The following SPCS2 variants were observed in gnomAD, a reference collection of about 807,000 sequenced individuals.
The protein encoded by SPCS2 is signal peptidase complex subunit 2, also known as SPase 25 kDa subunit.
Under a neutral mutation model 22.3 loss-of-function variants are expected in SPCS2, and 3 were observed. That is an observed-to-expected ratio of 0.13 (90% CI 0.06 to 0.35). SPCS2 has a LOEUF of 0.35. Among genes scored for constraint, SPCS2 ranks in the 10% least tolerant of loss-of-function variants. The probability of loss-of-function intolerance (pLI) is 1.00; values close to 1 mark genes in which losing one functional copy is unlikely to be tolerated. For missense variants in SPCS2, 169 were observed against 280.9 expected, an observed-to-expected ratio of 0.60 and a Z score of 2.85; for synonymous variants, 67 against 97.2, an observed-to-expected ratio of 0.69 and a Z score of 1.83.
rs182974262 is a variant in SPCS2, at chr11:74,964,771, G to A, written c.115-263G>A. On this transcript the variant is annotated intron_variant, in intron 1 of 4. Transcript: ENST00000263672. ...GACTGGCAACATCAGCATCACATGAGTACCACCTGACTCTAGTGACCTAGT... is the reference window on the plus strand; with the variant it reads ...GACTGGCAACATCAGCATCACATGAATACCACCTGACTCTAGTGACCTAGT... Among the ~76,000 whole-genome samples the A allele has an allele frequency of 3.5e-4, 53 of 152,326 alleles. 1 individual carries two copies. The highest frequency in any genetic ancestry group is 1.3e-3 in the African/African-American group (53 of 41,568).
intron 1 of SPCS2, chr11:74,949,751 G>C: frequency 2.3e-6 from 1 of 431,364 alleles, no homozygotes; most frequent in Non-Finnish European, 4.6e-6. Context: ...GAAAACCGAA[G>C]CCCAAAGATT....
chr11:74,973,064 C>A (rs1321846360), intron 4 of SPCS2, among the ~76,000 whole-genome samples: 1 of 152,092 alleles, frequency 6.6e-6, no homozygotes, highest in Non-Finnish European at 1.5e-5. Context: ...CTCTTTCTTA[C>A]CCTAAGTGAA....
intron 1 of SPCS2, among the ~76,000 whole-genome samples, chr11:74,960,777 T>C (rs1463847470): frequency 2.0e-5 from 3 of 152,186 alleles, no homozygotes; most frequent in Admixed American, 2.0e-4. Context: ...TAACTGTTCT[T>C]ACCTTGTAGA....
rs1055369688 is a variant in SPCS2, at chr11:74,969,606, A to T, written c.401A>T (p.Tyr134Phe). ...MMGILTIYTS[Y>F]KEKSIFLVAH... The stretch of plus-strand genomic sequence containing the variant: ...GGGATTCTGACCATTTATACCTCAT[A>T]TAAGGAGAAGAGCATCTTTCTCGTG... Residue 134 changes from tyrosine (Y) to phenylalanine (F), a missense_variant, in exon 4 of 5, where the codon TAT becomes TTT. Around this residue, in one of 2 missense-constraint regions of SPCS2, gnomAD observed 118 missense variants for 243.1 expected, o/e 0.49. Coordinates refer to ENST00000263672, the MANE Select transcript of SPCS2 (RefSeq NM_014752.3). 1 of 1,613,418 alleles carries T rather than the reference A, an allele frequency of 6.2e-7. No homozygotes were observed. The highest frequency in any genetic ancestry group is 1.3e-5 in the African/African-American group (1 of 74,914).
chr11:74,960,233 G>A (rs543071800), intron 1 of SPCS2, among the ~76,000 whole-genome samples: 7 of 152,346 alleles, frequency 4.6e-5, no homozygotes, highest in African/African-American at 1.7e-4. Context: ...TCGGGAGGCT[G>A]AGGCATGAGA....
chr11:74,949,522 C>T lies in SPCS2; in HGVS notation c.114+123C>T, dbSNP rs779723456. ...TTTGAGGGGAGCCCTTGTGTGACCA[C>T]TATCACAACCCTACGCACGCTTGGA... is the stretch of plus-strand genomic sequence containing the variant. On this transcript the variant is annotated intron_variant, in intron 1 of 4. Transcript: ENST00000263672. 43 of 839,630 alleles carry T rather than the reference C, an allele frequency of 5.1e-5. No individual in the cohort carries two copies. The Admixed American group carries it at 5.3e-4, about 10-fold the overall frequency. 52.0% of individuals were successfully genotyped at this position (839,630 alleles called of 1,614,324 possible). A position where few individuals can be genotyped will look rare whatever the true frequency, so the allele number is the denominator to read the frequency against.
chr11:74,965,332 C>T (rs534088725), intron 2 of SPCS2, among the ~76,000 whole-genome samples: 32 of 151,734 alleles, frequency 2.1e-4, no homozygotes, highest in African/African-American at 7.5e-4. Flanking sequence ...CAAACCTGCA[C>T]GTTGTGCACA....
intron 1 of SPCS2, among the ~76,000 whole-genome samples, chr11:74,956,105 C>T (rs1399509938): frequency 6.6e-6 from 1 of 151,746 alleles, no homozygotes; most frequent in Non-Finnish European, 1.5e-5. Flanking sequence ...TCTTTGTTGT[C>T]TTCATTGTTC....
intron 1 of SPCS2, among the ~76,000 whole-genome samples, chr11:74,955,235 C>T (rs543915635): frequency 2.0e-5 from 3 of 152,110 alleles, no homozygotes; most frequent in Non-Finnish European, 4.4e-5. Flanking sequence ...GGTGTATACC[C>T]AAGAGAACTG....
Position 74,969,613 on chromosome 11 carries a change from G to A in SPCS2, c.408G>A (p.Glu136=). ...GILTIYTSYK[E]KSIFLVAHRK... is the part of the protein sequence containing the mutation. ...TGACCATTTATACCTCATATAAGGA[G>A]AAGAGCATCTTTCTCGTGGCCCACA... is the stretch of plus-strand genomic sequence containing the variant. The change falls in exon 4 of 5, where the codon GAG becomes GAA. Residue 136 remains glutamate, a synonymous_variant. Coordinates refer to ENST00000263672, the MANE Select transcript of SPCS2 (RefSeq NM_014752.3). The A allele has an allele frequency of 1.2e-6, 2 of 1,613,514 alleles. No individual in the cohort carries two copies. Among genetic ancestry groups the A allele is most frequent in the South Asian group, 2.2e-5 (2 of 91,076 alleles).
chr11:74,974,772 G>A (rs1271584093), intron 4 of SPCS2, among the ~76,000 whole-genome samples: 2 of 151,990 alleles, frequency 1.3e-5, no homozygotes, highest in African/African-American at 2.4e-5. Context: ...CAGCCACCAC[G>A]TCTGGCTAAT....
Position 74,966,930 on chromosome 11 carries a change from T to G in SPCS2, c.359+1007T>G, listed in dbSNP as rs1417098587. ...CCACCATGTCTGCCTAATTTTTAAATTTTTTACAGAGACAAGGTCCTACTA... is the reference window on the plus strand; with the variant it reads ...CCACCATGTCTGCCTAATTTTTAAAGTTTTTACAGAGACAAGGTCCTACTA... On this transcript the variant is annotated intron_variant, in intron 3 of 4. Transcript: ENST00000263672. 2.0e-5 allele frequency among the ~76,000 whole-genome samples: 3 copies of G among 152,140 alleles called. No individual in the cohort carries two copies. The East Asian group carries it at 5.8e-4, about 29-fold the overall frequency.
chr11:74,957,028 C>A (rs139155276), intron 1 of SPCS2, among the ~76,000 whole-genome samples: 322 of 152,016 alleles, frequency 2.1e-3, no homozygotes, highest in African/African-American at 5.5e-3. Context: ...TCTGTATAAT[C>A]TTTTTTAGAG....
chr11:74,949,968 G>A (rs1267639796), intron 1 of SPCS2, among the ~76,000 whole-genome samples: 4 of 151,028 alleles, frequency 2.6e-5, no homozygotes, highest in Admixed American at 6.6e-5. Flanking sequence ...GTTTTTCCCC[G>A]CCCTCTCCTC....
In SPCS2 at chr11:74,977,519, A is replaced by G. The variant is rs1308853656; in HGVS notation, c.*476A>G. ...ACACTATTTTTGTGGGTGTGTATAT[A>G]TCTGATTTGGGAAGAATTTAAAAAA... On this transcript the variant is annotated 3_prime_UTR_variant, in exon 5 of 5. Transcript: ENST00000263672. The G allele has an allele frequency of 6.6e-6, 1 of 151,856 alleles. No homozygotes were observed. Among genetic ancestry groups the G allele is most frequent in the Non-Finnish European group, 1.5e-5 (1 of 67,926 alleles). The allele number at this position is 151,856 out of a possible 1,614,324, so 9.4% of individuals were successfully genotyped here. A position where few individuals can be genotyped will look rare whatever the true frequency, so the allele number is the denominator to read the frequency against.
chr11:74,963,554 T>A (rs1203081513), intron 1 of SPCS2: 1 of 419,980 alleles, frequency 2.4e-6, no homozygotes, highest in Non-Finnish European at 4.7e-6. Flanking sequence ...ATTGTTTGTT[T>A]GTTTGTTTGT....
intron 1 of SPCS2, among the ~76,000 whole-genome samples, chr11:74,950,873 A>G (rs1256429533): frequency 1.3e-5 from 2 of 152,156 alleles, no homozygotes; most frequent in Non-Finnish European, 2.9e-5. Flanking sequence ...AAGATACAGA[A>G]ACATATTCTG....
chr11:74,965,379 T>TA (rs554619545), intron 2 of SPCS2, among the ~76,000 whole-genome samples: 28 of 148,774 alleles, frequency 1.9e-4, no homozygotes, highest in Admixed American at 6.7e-4. Flanking sequence ...ATAATAAAAT[T>TA]AAAAAAAAAA....
At chr11:74,965,185 T>C (rs2140218065) in intron 2 of SPCS2, 68 bp downstream of exon 2, 6 of 1,109,056 alleles carry the variant, frequency 5.4e-6, no homozygotes, top group Non-Finnish European at 7.7e-6. Flanking sequence ...GGAAATCTTT[T>C]CCTTTTGTAA....
Sources: allele counts gnomAD v4.1 joint callset (sites outside exome capture counted in the v4.1 genomes callset), GRCh38; gene constraint gnomAD v4.1.1; regional missense constraint gnomAD v4.1.1; transcripts MANE v1.5; gene names NCBI Gene and HGNC (gene_info 2026-07-23, HGNC 2026-07-21).